The following AKT2 variants were observed in gnomAD, a reference collection of about 807,000 sequenced individuals.
The protein encoded by AKT2 is AKT serine/threonine kinase 2, also known as RAC-beta serine/threonine-protein kinase.
A neutral mutation model predicts 58.6 loss-of-function variants in AKT2; 16 were observed. That is an observed-to-expected ratio of 0.27 (90% CI 0.18 to 0.41). The LOEUF (loss-of-function observed/expected upper bound fraction) is 0.41, where lower values mean the gene tolerates loss of function less well. Among genes scored for constraint, AKT2 ranks in the 10% least tolerant of loss-of-function variants. The probability of loss-of-function intolerance (pLI) is 1.00; values close to 1 mark genes in which losing one functional copy is unlikely to be tolerated. For synonymous variants in AKT2, 253 were observed against 254.0 expected, an observed-to-expected ratio of 1.00 and a Z score of 0.04; for missense variants, 438 against 661.0, an observed-to-expected ratio of 0.66 and a Z score of 3.70.
At chr19:40,262,533 T>A (rs1002484832) in intron 2 of AKT2, among the ~76,000 whole-genome samples, 7 of 152,202 alleles carry the variant, frequency 4.6e-5, no homozygotes. Context: ...GCACATGGCA[T>A]GAGTGACTCT....
chr19:40,255,646 C>T (rs529426514), intron 3 of AKT2, among the ~76,000 whole-genome samples: 58 of 152,104 alleles, frequency 3.8e-4, no homozygotes, highest in Admixed American at 5.9e-4. Flanking sequence ...GGAGAACAGA[C>T]GCTCAGAGGT....
rs1239340426 is a variant in AKT2, at chr19:40,233,793, G to A, written c.*79C>T. 2 of 1,450,908 alleles carry A rather than the reference G, an allele frequency of 1.4e-6. No individual in the cohort carries two copies. Among genetic ancestry groups the A allele is most frequent in the African/African-American group, 2.8e-5 (2 of 71,800 alleles). 89.9% of individuals were successfully genotyped at this position (1,450,908 alleles called of 1,614,324 possible). ...TGGGGGTGGGGACACAAACCAAAAA[G>A]GCTAAGTAAAAAGTTAGGGGGAAAA... On this transcript the variant is annotated 3_prime_UTR_variant, in exon 14 of 14. Transcript: ENST00000392038. This position sits in a 1 kb window ranked among gnomAD's most constrained non-coding sequence, Gnocchi z 4.3.
At chr19:40,244,485 G>C (rs963883777) in intron 4 of AKT2, 3 of 152,026 alleles carry the variant, frequency 2.0e-5, no homozygotes, top group Non-Finnish European at 4.4e-5. Context: ...AAAATGACCA[G>C]AGACCAAAAT....
chr19:40,283,572 G>A (rs191848374), intron 1 of AKT2, among the ~76,000 whole-genome samples: 45 of 152,290 alleles, frequency 3.0e-4, no homozygotes, highest in Non-Finnish European at 5.1e-4. Flanking sequence ...GGGTCAATCA[G>A]GGACTGCAGC....
intron 3 of AKT2, 120 bp from the exon 4 acceptor site, chr19:40,255,389 T>C: frequency 1.3e-6 from 1 of 753,986 alleles, no homozygotes; most frequent in Non-Finnish European, 2.3e-6. Flanking sequence ...CTGGGGACAC[T>C]CTAGGGACTG....
At chr19:40,264,351 T>C (rs1192607565) in intron 2 of AKT2, among the ~76,000 whole-genome samples, 1 of 152,174 alleles carries the variant, frequency 6.6e-6, no homozygotes, top group Non-Finnish European at 1.5e-5. Flanking sequence ...GTCTCTTCCC[T>C]GTCCTAACTT....
At position 40,232,849 on chromosome 19, in the gene AKT2, G is replaced by A. The variant is rs74457111; in HGVS notation, c.*1023C>T. On this transcript the variant is annotated 3_prime_UTR_variant, in exon 14 of 14. Coordinates refer to ENST00000392038, the MANE Select transcript of AKT2 (RefSeq NM_001626.6). ...TTCAACCTTAAGGCTGCAGAACGTG[G>A]GGCCCTGGGGAGAGGGAGGGGTGAG... is the stretch of plus-strand genomic sequence containing the variant. The A allele has an allele frequency of 0.061, 14,458 of 237,256 alleles. 568 individuals carry two copies. The highest frequency in any genetic ancestry group is 0.092 in the Non-Finnish European group (11,111 of 120,286). 14.7% of individuals were successfully genotyped at this position (237,256 alleles called of 1,614,324 possible). A position where few individuals can be genotyped will look rare whatever the true frequency, so the allele number is the denominator to read the frequency against.
At chr19:40,285,007 G>C in intron 1 of AKT2, 174 bp downstream of exon 1, 1 of 279,064 alleles carries the variant, frequency 3.6e-6, no homozygotes, top group Non-Finnish European at 6.6e-6. Context: ...CCGGCCCCCC[G>C]AGGCTGGTCC....
rs1047293131 is a variant in AKT2, at chr19:40,230,661, T to G, written c.*3211A>C. On this transcript the variant is annotated 3_prime_UTR_variant, in exon 14 of 14. Transcript: ENST00000392038. ...GTACTCAAGGCCCTGCGACCTCGGG[T>G]GAATTTCCTTTCTTATACTCCTGCT... The G allele has an allele frequency of 2.7e-5, 6 of 223,990 alleles. No individual in the cohort carries two copies. Among genetic ancestry groups the G allele is most frequent in the African/African-American group, 1.3e-4 (6 of 44,750 alleles). The allele number at this position is 223,990 out of a possible 1,614,324, so 13.9% of individuals were successfully genotyped here. A position where few individuals can be genotyped will look rare whatever the true frequency, so the allele number is the denominator to read the frequency against.
intron 1 of AKT2, among the ~76,000 whole-genome samples, chr19:40,277,736 C>G (rs980694541): frequency 1.3e-5 from 2 of 152,246 alleles, no homozygotes; most frequent in African/African-American, 2.4e-5. Flanking sequence ...AGCCCCTCTC[C>G]CACCCAGTCC....
rs1973752634 is a variant in AKT2 at position 40,232,500 on chromosome 19, A to G, written c.*1372T>C. ...CCCACCCTGCCATGAACTGTGTAGT[A>G]CAGGAGATGGGATAGGGAGAGCAAA... On this transcript the variant is annotated 3_prime_UTR_variant, in exon 14 of 14. Coordinates refer to ENST00000392038, the MANE Select transcript of AKT2 (RefSeq NM_001626.6). 1 of 230,430 alleles carries G rather than the reference A, an allele frequency of 4.3e-6. No individual in the cohort carries two copies. The highest frequency in any genetic ancestry group is 1.8e-4 in the South Asian group (1 of 5,466). The allele number at this position is 230,430 out of a possible 1,614,324, so 14.3% of individuals were successfully genotyped here. A position where few individuals can be genotyped will look rare whatever the true frequency, so the allele number is the denominator to read the frequency against.
intron 4 of AKT2, among the ~76,000 whole-genome samples, chr19:40,245,810 C>A (rs1001073699): frequency 6.6e-6 from 1 of 152,174 alleles, no homozygotes; most frequent in South Asian, 2.1e-4. Flanking sequence ...AGTTCTGCCC[C>A]CAGAACTCAT....
intron 2 of AKT2, among the ~76,000 whole-genome samples, chr19:40,263,397 A>C (rs554267135): frequency 1.3e-5 from 2 of 152,352 alleles, no homozygotes; most frequent in East Asian, 3.9e-4. Flanking sequence ...AAGAAGCCTC[A>C]TGAAAATGCC....
intron 4 of AKT2, chr19:40,243,229 G>A (rs1974522883): frequency 6.3e-6 from 1 of 159,584 alleles, no homozygotes; most frequent in Non-Finnish European, 1.4e-5. Context: ...CAGGCAGCAG[G>A]GAAATGATCA....
At chr19:40,249,078 G>A (rs937673991) in intron 4 of AKT2, among the ~76,000 whole-genome samples, 1 of 152,112 alleles carries the variant, frequency 6.6e-6, no homozygotes. Flanking sequence ...TGGAGGAGAT[G>A]AGGACAGGGA....
rs1295178308 is a variant in AKT2, at chr19:40,230,598, C to T, written c.*3274G>A. The T allele has an allele frequency of 3.1e-5, 7 of 228,258 alleles. No individual in the cohort carries two copies. The highest frequency in any genetic ancestry group is 1.8e-4 in the South Asian group (1 of 5,492). The allele number at this position is 228,258 out of a possible 1,614,324, so 14.1% of individuals were successfully genotyped here. On this transcript the variant is annotated 3_prime_UTR_variant, in exon 14 of 14. Transcript: ENST00000392038. Reference sequence around the variant, plus strand: ...GCAGGAAACTACCAATTTATGATGCCGTGTCCATTTGCAGAGAGGTAATCA... The same window carrying T: ...GCAGGAAACTACCAATTTATGATGCTGTGTCCATTTGCAGAGAGGTAATCA...
At chr19:40,251,020 T>C (rs552960600) in intron 4 of AKT2, among the ~76,000 whole-genome samples, 1 of 151,988 alleles carries the variant, frequency 6.6e-6, no homozygotes, top group East Asian at 1.9e-4. Flanking sequence ...CTGGACAACA[T>C]AGCAAGACTC....
At chr19:40,283,567 A>C (rs149039373) in intron 1 of AKT2, among the ~76,000 whole-genome samples, 102 of 152,304 alleles carry the variant, frequency 6.7e-4, no homozygotes, top group African/African-American at 2.2e-3. Context: ...CTGCTGGGTC[A>C]ATCAGGGACT....
At position 40,236,003 on chromosome 19, in the gene AKT2, G is replaced by A. The variant is rs1441248332; in HGVS notation, c.1062C>T (p.Asp354=). Residue 354 remains aspartate, a synonymous_variant, in exon 11 of 14, where the codon GAC becomes GAT. Transcript: ENST00000392038. ...GGATGAGCTCGAAGAGGCGCTCGTGGTCCTGGTTGTAGAAGGGCAGGCGGC... is the reference window on the plus strand; with the variant it reads ...GGATGAGCTCGAAGAGGCGCTCGTGATCCTGGTTGTAGAAGGGCAGGCGGC... The part of the protein sequence containing the change: ...MCGRLPFYNQ[D]HERLFELILM... The A allele has an allele frequency of 6.2e-7, 1 of 1,614,012 alleles. No homozygotes were observed. Among genetic ancestry groups the A allele is most frequent in the East Asian group, 2.2e-5 (1 of 44,876 alleles).
Sources: allele counts gnomAD v4.1 joint callset (sites outside exome capture counted in the v4.1 genomes callset), GRCh38; gene constraint gnomAD v4.1.1; non-coding constraint Gnocchi (gnomAD v3.1); transcripts MANE v1.5; gene names NCBI Gene and HGNC (gene_info 2026-07-23, HGNC 2026-07-21).